The following PLCB1 variants were observed in gnomAD, a reference collection of about 807,000 sequenced individuals.
PLCB1 encodes the protein phospholipase C beta 1.
In PLCB1, 46 loss-of-function variants were observed where a neutral mutation model predicts 161.8. That is an observed-to-expected ratio of 0.28 (90% CI 0.22 to 0.36). PLCB1 has a LOEUF of 0.36. Among genes scored for constraint, PLCB1 ranks in the 10% least tolerant of loss-of-function variants. The pLI is 1.00. For missense variants in PLCB1, 1,016 were observed against 1,472.5 expected (o/e 0.69, Z 5.07); for synonymous variants, 517 against 503.7 (o/e 1.03, Z -0.35).
intron 3 of PLCB1, among the ~76,000 whole-genome samples, chr20:8,377,160 C>A (rs772194764): frequency 6.6e-6 from 1 of 151,928 alleles, no homozygotes; most frequent in Non-Finnish European, 1.5e-5. Context: ...AAGCATAAAG[C>A]GGGATCGGAG....
chr20:8,617,459 G>A (rs1005815624), intron 3 of PLCB1, among the ~76,000 whole-genome samples: 2 of 151,790 alleles, frequency 1.3e-5, no homozygotes, highest in African/African-American at 4.8e-5. Flanking sequence ...TTTCAATTCT[G>A]AATTCAGTGA....
intron 3 of PLCB1, among the ~76,000 whole-genome samples, chr20:8,567,694 A>G (rs988311858): frequency 6.6e-6 from 1 of 152,112 alleles, no homozygotes; most frequent in Non-Finnish European, 1.5e-5. Flanking sequence ...GTGAATAGCC[A>G]CTGCACTCTA....
At chr20:8,536,396 C>T (rs1985052177) in intron 3 of PLCB1, among the ~76,000 whole-genome samples, 1 of 152,148 alleles carries the variant, frequency 6.6e-6, no homozygotes, top group Non-Finnish European at 1.5e-5. Context: ...CGTACTTCTC[C>T]ATCATTCATG....
At chr20:8,335,733 G>A (rs718986) in intron 2 of PLCB1, among the ~76,000 whole-genome samples, 29,437 of 152,202 alleles carry the variant, frequency 0.19, 3,817 homozygotes, top group Non-Finnish European at 0.28. Flanking sequence ...CCATTACAAG[G>A]CAAATACAGA....
chr20:8,874,989 A>C (rs1258793445), intron 31 of PLCB1, among the ~76,000 whole-genome samples: 1 of 150,840 alleles, frequency 6.6e-6, no homozygotes, highest in Non-Finnish European at 1.5e-5. Context: ...AATTTCTTTT[A>C]AATTTAATGA....
chr20:8,628,650 T>C (rs914759876), intron 4 of PLCB1: 2 of 506,358 alleles, frequency 3.9e-6, no homozygotes, highest in Non-Finnish European at 7.0e-6. Flanking sequence ...GAATAAGCCA[T>C]TTGGCCGGGC....
intron 3 of PLCB1, among the ~76,000 whole-genome samples, chr20:8,530,884 C>A (rs956264698): frequency 6.6e-6 from 1 of 151,952 alleles, no homozygotes; most frequent in Admixed American, 6.6e-5. Flanking sequence ...GAATAATTAT[C>A]TTTTTCATTA....
intron 2 of PLCB1, among the ~76,000 whole-genome samples, chr20:8,332,633 C>G (rs1405178254): frequency 6.6e-6 from 1 of 152,200 alleles, no homozygotes; most frequent in Admixed American, 6.5e-5. Context: ...TACACGTAGC[C>G]ACTCAGTGGC....
intron 2 of PLCB1, among the ~76,000 whole-genome samples, chr20:8,239,698 T>A (rs116896144): frequency 6.6e-6 from 1 of 152,098 alleles, no homozygotes; most frequent in East Asian, 1.9e-4. Flanking sequence ...TTAGGAAAGA[T>A]ACGATGCTTG....
intron 2 of PLCB1, among the ~76,000 whole-genome samples, chr20:8,341,493 G>A (rs1316235387): frequency 6.6e-6 from 1 of 151,948 alleles, no homozygotes; most frequent in East Asian, 1.9e-4. Flanking sequence ...CTAACTTCTG[G>A]GACACCGGAT....
intron 11 of PLCB1, among the ~76,000 whole-genome samples, chr20:8,698,570 T>A (rs542041432): frequency 1.3e-5 from 2 of 152,306 alleles, no homozygotes; most frequent in Admixed American, 1.3e-4. Flanking sequence ...CAAAGACCCC[T>A]AGGAACATAC....
intron 2 of PLCB1, among the ~76,000 whole-genome samples, chr20:8,238,268 A>G (rs776659776): frequency 1.3e-5 from 2 of 152,024 alleles, no homozygotes; most frequent in Non-Finnish European, 2.9e-5. Flanking sequence ...TCCAGCAGGC[A>G]TTTGGGAATA....
chr20:8,284,121 ATTAGATTTAT>A (rs2123289521), intron 2 of PLCB1, among the ~76,000 whole-genome samples: 1 of 152,132 alleles, frequency 6.6e-6, no homozygotes, highest in South Asian at 2.1e-4. Context: ...AGAGTGAATA[ATTAGATTTAT>A]TACCACATTG....
chr20:8,577,527 C>A (rs2123068930), intron 3 of PLCB1, among the ~76,000 whole-genome samples: 1 of 151,464 alleles, frequency 6.6e-6, no homozygotes, highest in East Asian at 1.9e-4. Flanking sequence ...CTAACTTAAG[C>A]AATCTTAACT....
chr20:8,386,204 G>T (rs1273336651), intron 3 of PLCB1, among the ~76,000 whole-genome samples: 1 of 152,110 alleles, frequency 6.6e-6, no homozygotes, highest in Non-Finnish European at 1.5e-5. Flanking sequence ...GTGAATTAAG[G>T]TTTTAAATTT....
Position 8,717,654 on chromosome 20 carries a change from C to A in PLCB1, c.1336-17C>A. 6.3e-7 allele frequency: 1 copy of A among 1,588,020 alleles called. No individual in the cohort carries two copies. The highest frequency in any genetic ancestry group is 8.6e-7 in the Non-Finnish European group (1 of 1,166,090). On this transcript the variant is annotated splice_polypyrimidine_tract_variant and intron_variant, in intron 13 of 31. Coordinates refer to ENST00000338037, the MANE Select transcript of PLCB1 (RefSeq NM_015192.4). ...GGGAGCAGTATTTTTAAAGAATATG[C>A]CTTTCATTTCTATTAGCTGGAATCT...
chr20:8,644,158 C>T (rs1989059890), intron 4 of PLCB1, among the ~76,000 whole-genome samples: 1 of 152,208 alleles, frequency 6.6e-6, no homozygotes, highest in Admixed American at 6.5e-5. Flanking sequence ...CATCCACCTC[C>T]CAGCCGCCTG....
chr20:8,201,041 A>C (rs1454183807), intron 2 of PLCB1, among the ~76,000 whole-genome samples: 1 of 152,100 alleles, frequency 6.6e-6, no homozygotes, highest in Admixed American at 6.6e-5. Flanking sequence ...TTTATTTTGC[A>C]TCTATATTTG....
chr20:8,430,742 CA>C (rs1980003351), intron 3 of PLCB1, among the ~76,000 whole-genome samples: 1 of 152,084 alleles, frequency 6.6e-6, no homozygotes, highest in South Asian at 2.1e-4. Flanking sequence ...CACTTGAGGC[CA>C]GGAGTTTGAT....
Sources: allele counts gnomAD v4.1 joint callset (sites outside exome capture counted in the v4.1 genomes callset), GRCh38; gene constraint gnomAD v4.1.1; transcripts MANE v1.5; gene names NCBI Gene and HGNC (gene_info 2026-07-23, HGNC 2026-07-21).